Variants in TPH1 observed in about 807,000 individuals in gnomAD.
TPH1 encodes the protein tryptophan hydroxylase 1.
A neutral mutation model predicts 49.5 loss-of-function variants in TPH1; 37 were observed. That is an observed-to-expected ratio of 0.75 (90% CI 0.58 to 0.98). The LOEUF is 0.98. Among genes scored for constraint, TPH1 ranks in the 50% least tolerant of loss-of-function variants. The pLI, the probability that TPH1 is intolerant of heterozygous loss-of-function variation, is 0.00. For synonymous variants in TPH1, 160 were observed against 182.1 expected (o/e 0.88, Z 0.98); for missense variants, 487 against 523.6 (o/e 0.93, Z 0.68).
intron 4 of TPH1, among the ~76,000 whole-genome samples, chr11:18,030,935 G>A (rs1370690824): frequency 6.6e-6 from 1 of 152,104 alleles, no homozygotes; most frequent in Non-Finnish European, 1.5e-5. Flanking sequence ...TTTAGCCTTG[G>A]GTAATGGGAA....
chr11:18,021,297 A>T (rs532289781), intron 10 of TPH1, 132 bp from the exon 11 acceptor site: 249 of 849,562 alleles, frequency 2.9e-4, no homozygotes, highest in Non-Finnish European at 4.2e-4. Flanking sequence ...AACCAATCTG[A>T]CCTACTTCTC....
intron 3 of TPH1, among the ~76,000 whole-genome samples, chr11:18,035,699 T>A (rs1365905231): frequency 6.6e-6 from 1 of 152,180 alleles, no homozygotes; most frequent in Non-Finnish European, 1.5e-5. Flanking sequence ...GTGCGGGGAT[T>A]ACAGGCATGA....
In TPH1 at chr11:18,026,682, AG is replaced by A. The variant is rs1359717757; in HGVS notation, c.668-58del. 23 of 1,609,162 alleles carry A rather than the reference AG, an allele frequency of 1.4e-5. No homozygotes were observed. The African/African-American group carries it at 3.1e-4, about 22-fold the overall frequency. ...TTTACCAGAATAGACCCCTGACTGC[AG>A]CATTTTAGTTCTGCTAGTGGCACCA... On this transcript the variant is annotated intron_variant, in intron 6 of 10. Coordinates refer to ENST00000682019, the MANE Select transcript of TPH1 (RefSeq NM_004179.3).
intron 2 of TPH1, 36 bp downstream of exon 2, chr11:18,040,610 A>G: frequency 6.3e-7 from 1 of 1,587,572 alleles, no homozygotes; most frequent in Non-Finnish European, 8.6e-7. Flanking sequence ...ATTCATTTCT[A>G]GAAGAATTCT....
intron 4 of TPH1, among the ~76,000 whole-genome samples, chr11:18,032,000 G>C (rs936149848): frequency 6.6e-6 from 1 of 151,644 alleles, no homozygotes; most frequent in Admixed American, 6.6e-5. Context: ...CTCCTTTCCG[G>C]CAAGTACTGC....
At chr11:18,022,700 G>T in intron 10 of TPH1, 98 bp downstream of exon 10, 1 of 1,347,704 alleles carries the variant, frequency 7.4e-7, no homozygotes, top group South Asian at 1.2e-5. Flanking sequence ...CTCCTTGTGG[G>T]CTTCAAATTA....
rs138301154 is a variant in TPH1 at position 18,020,008 on chromosome 11, A to T, written c.*983T>A. ...GGCCTCACCTTATACCTTAGAAATA[A>T]AGTACTCAGCACTGTTTTTTCTATC... On this transcript the variant is annotated 3_prime_UTR_variant, in exon 11 of 11. Coordinates refer to ENST00000682019, the MANE Select transcript of TPH1 (RefSeq NM_004179.3). The T allele has an allele frequency of 1.2e-4, 32 of 264,162 alleles. No individual in the cohort carries two copies. The East Asian group carries it at 3.5e-3, about 29-fold the overall frequency. The allele number at this position is 264,162 out of a possible 1,614,324, so 16.4% of individuals were successfully genotyped here.
Position 18,046,036 on chromosome 11 carries a change from GAA to G in TPH1, c.-27+203_-27+204del, listed in dbSNP as rs543335861. ...GTTCCTGGCACACAGGAGGCACTCA[GAA>G]AGTGTCTTTTCTCCCCAAACAGCGT... On this transcript the variant is annotated intron_variant, in intron 1 of 10. Coordinates refer to ENST00000682019, the MANE Select transcript of TPH1 (RefSeq NM_004179.3). 2.6e-4 allele frequency among the ~76,000 whole-genome samples: 39 copies of G among 152,322 alleles called. 1 individual carries two copies. Among genetic ancestry groups the G allele is most frequent in the South Asian group, 1.9e-3 (9 of 4,830 alleles).
At chr11:18,024,363 A>G (rs1854397113) in intron 8 of TPH1, among the ~76,000 whole-genome samples, 3 of 152,358 alleles carry the variant, frequency 2.0e-5, no homozygotes, top group Non-Finnish European at 4.4e-5. Context: ...ATACAAAACA[A>G]AAAACTAAGA....
In TPH1 at chr11:18,022,855, G is replaced by C. The variant is rs1322742176; in HGVS notation, c.1103C>G (p.Thr368Ser). 6.2e-7 allele frequency: 1 copy of C among 1,613,594 alleles called. No individual in the cohort carries two copies. Among genetic ancestry groups the C allele is most frequent in the Admixed American group, 1.7e-5 (1 of 59,954 alleles). ...AGATACAAAGTAGACATCTTGAAAA[G>C]TTGTGATAAGACATTCCTGTTTGCA... ...ITCKQECLIT[T>S]FQDVYFVSES... Residue 368 changes from threonine (T) to serine (S), a missense_variant, in exon 10 of 11, where the codon ACT (threonine) becomes AGT (serine). Coordinates refer to ENST00000682019, the MANE Select transcript of TPH1 (RefSeq NM_004179.3).
At chr11:18,039,653 C>T (rs1411286986) in intron 2 of TPH1, among the ~76,000 whole-genome samples, 1 of 152,140 alleles carries the variant, frequency 6.6e-6, no homozygotes, top group Non-Finnish European at 1.5e-5. Flanking sequence ...AGTGATTATT[C>T]ACTTACTGCA....
chr11:18,040,561 C>T, intron 2 of TPH1, 85 bp downstream of exon 2: 1 of 1,335,104 alleles, frequency 7.5e-7, no homozygotes, highest in Non-Finnish European at 1.0e-6. Flanking sequence ...GAGATAGGGT[C>T]TTGCTATGTT....
chr11:18,035,188 A>C (rs962693777), intron 3 of TPH1, among the ~76,000 whole-genome samples: 4 of 152,232 alleles, frequency 2.6e-5, no homozygotes, highest in Admixed American at 2.6e-4. Flanking sequence ...AACTGTCAAC[A>C]TTCTCAACAA....
rs1280574830 is a variant in TPH1 at position 18,019,611 on chromosome 11, A to G, written c.*1380T>C. The G allele has an allele frequency of 6.6e-6, 3 of 456,476 alleles. No homozygotes were observed. The highest frequency in any genetic ancestry group is 1.6e-5 in the South Asian group (1 of 64,386). 28.3% of individuals were successfully genotyped at this position (456,476 alleles called of 1,614,324 possible). Reference sequence around the variant, plus strand: ...ATTCAAGAAAGATGTCAGGGTTATAACTGCAAATAGAGGAGTCATTCAAAA... The same window carrying G: ...ATTCAAGAAAGATGTCAGGGTTATAGCTGCAAATAGAGGAGTCATTCAAAA... On this transcript the variant is annotated 3_prime_UTR_variant, in exon 11 of 11. Coordinates refer to ENST00000682019, the MANE Select transcript of TPH1 (RefSeq NM_004179.3).
At chr11:18,036,748 T>TA (rs1848051092) in intron 2 of TPH1, among the ~76,000 whole-genome samples, 2 of 152,140 alleles carry the variant, frequency 1.3e-5, no homozygotes, top group South Asian at 4.1e-4. Context: ...GGGGACATGA[T>TA]AATGAAACAT....
chr11:18,045,368 A>T (rs1848131450), intron 1 of TPH1, among the ~76,000 whole-genome samples: 1 of 152,234 alleles, frequency 6.6e-6, no homozygotes, highest in Non-Finnish European at 1.5e-5. Context: ...TAGAAGACAC[A>T]TCCCTATCTG....
chr11:18,040,932 G>A, intron 1 of TPH1, 144 bp from the exon 2 acceptor site: 2 of 724,352 alleles, frequency 2.8e-6, no homozygotes, highest in Non-Finnish European at 4.3e-6. Flanking sequence ...AGCTTTGCAA[G>A]AATCTAGTGA....
rs1420768747 is a variant in TPH1 at position 18,020,072 on chromosome 11, T to G, written c.*919A>C. 7 of 216,056 alleles carry G rather than the reference T, an allele frequency of 3.2e-5. No homozygotes were observed. Among genetic ancestry groups the G allele is most frequent in the African/African-American group, 1.4e-4 (6 of 42,734 alleles). The allele number at this position is 216,056 out of a possible 1,614,324, so 13.4% of individuals were successfully genotyped here. Reference sequence around the variant, plus strand: ...TTCTCTTATCTATCTCAGTTTGAACTCTTCCTTTGATAACAATGCTTCCTG... The same window carrying G: ...TTCTCTTATCTATCTCAGTTTGAACGCTTCCTTTGATAACAATGCTTCCTG... On this transcript the variant is annotated 3_prime_UTR_variant, in exon 11 of 11. Transcript: ENST00000682019.
At chr11:18,043,347 G>A (rs771083723) in intron 1 of TPH1, among the ~76,000 whole-genome samples, 2 of 152,216 alleles carry the variant, frequency 1.3e-5, no homozygotes, top group African/African-American at 4.8e-5. Context: ...GCTCATGCCT[G>A]TAATCCCAGC....
Sources: allele counts gnomAD v4.1 joint callset (sites outside exome capture counted in the v4.1 genomes callset), GRCh38; gene constraint gnomAD v4.1.1; transcripts MANE v1.5; gene names NCBI Gene and HGNC (gene_info 2026-07-23, HGNC 2026-07-21).